DTNBP1: variants seen among roughly 807,000 people sequenced by gnomAD.
DTNBP1 encodes dysbindin.
Under a neutral mutation model 42.8 loss-of-function variants are expected in DTNBP1, and 35 were observed. That is an observed-to-expected ratio of 0.82 (90% CI 0.63 to 1.09). The LOEUF (loss-of-function observed/expected upper bound fraction) is 1.09, where lower values mean the gene tolerates loss of function less well. Among genes scored for constraint, DTNBP1 ranks in the 50% least tolerant of loss-of-function variants. DTNBP1 has a pLI of 0.00. For missense variants in DTNBP1, 457 were observed against 424.2 expected (o/e 1.08, Z -0.68); for synonymous variants, 171 against 162.2 (o/e 1.05, Z -0.41).
chr6:15,524,067 AC>A (rs1561931265), intron 9 of DTNBP1: 1 of 1,306,198 alleles, frequency 7.7e-7, no homozygotes, highest in Admixed American at 2.3e-5. Flanking sequence ...CTGAAGTGCA[AC>A]TAAGTTTACA....
chr6:15,657,350 T>G (rs1350863690), intron 1 of DTNBP1, among the ~76,000 whole-genome samples: 1 of 152,226 alleles, frequency 6.6e-6, no homozygotes, highest in Non-Finnish European at 1.5e-5. Context: ...ACCATTTATC[T>G]AAGATACTTC....
intron 6 of DTNBP1, among the ~76,000 whole-genome samples, chr6:15,600,003 C>T (rs1220153535): frequency 6.6e-6 from 1 of 152,080 alleles, no homozygotes; most frequent in Non-Finnish European, 1.5e-5. Flanking sequence ...TATATCCTTA[C>T]AGGCTTGTTG....
chr6:15,533,477 C>A, intron 7 of DTNBP1, 82 bp from the exon 8 acceptor site: 1 of 1,594,088 alleles, frequency 6.3e-7, no homozygotes, highest in Non-Finnish European at 8.6e-7. Context: ...TCGCATCCAC[C>A]CTCCAAGTGG....
intron 3 of DTNBP1, 66 bp from the exon 4 acceptor site, chr6:15,637,870 TG>T (rs1295146305): frequency 1.3e-6 from 2 of 1,490,378 alleles, no homozygotes; most frequent in Non-Finnish European, 1.9e-6. Flanking sequence ...TATCTAAAGA[TG>T]AATGTGGAAT....
chr6:15,656,559 G>C (rs2743853), intron 1 of DTNBP1, among the ~76,000 whole-genome samples: 18,840 of 152,014 alleles, frequency 0.12, 1,463 homozygotes, highest in African/African-American at 0.22. Flanking sequence ...AAATAAGCCT[G>C]GGCAACATGG....
rs541057143 is a variant in DTNBP1, at chr6:15,660,299, A to G, written c.56+2515T>C. 7.2e-6 allele frequency: 9 copies of G among 1,246,968 alleles called. No individual in the cohort carries two copies. In the South Asian group the frequency reaches 7.5e-5, roughly 10 times the overall value. 77.2% of individuals were successfully genotyped at this position (1,246,968 alleles called of 1,614,324 possible). ...GTCATCTTTTCTCCTCAAGGCAAAA[A>G]TAATCAGTTATGTAAAGGAGGTTGA... On this transcript the variant is annotated intron_variant, in intron 1 of 9. Transcript: ENST00000344537.
At chr6:15,625,334 G>A (rs1015080031) in intron 5 of DTNBP1, among the ~76,000 whole-genome samples, 5 of 152,026 alleles carry the variant, frequency 3.3e-5, no homozygotes, top group African/African-American at 9.7e-5. Context: ...ATAGATGAGA[G>A]GAAAAAAATG....
At chr6:15,540,693 G>A (rs1773506484) in intron 7 of DTNBP1, among the ~76,000 whole-genome samples, 1 of 152,136 alleles carries the variant, frequency 6.6e-6, no homozygotes, top group Non-Finnish European at 1.5e-5. Context: ...CCAGGCTGGA[G>A]TGCAGTGGCG....
At chr6:15,527,621 C>A (rs2127790512) in intron 8 of DTNBP1, among the ~76,000 whole-genome samples, 1 of 151,934 alleles carries the variant, frequency 6.6e-6, no homozygotes, top group Middle Eastern at 3.4e-3. Flanking sequence ...AAAACAATAG[C>A]CCAAAGAAAG....
At chr6:15,653,557 A>G (rs1480447312) in intron 1 of DTNBP1, among the ~76,000 whole-genome samples, 2 of 152,190 alleles carry the variant, frequency 1.3e-5, no homozygotes, top group East Asian at 3.8e-4. Context: ...AGACTCTTTT[A>G]ATGTAAAATA....
chr6:15,650,653 G>A (rs10949309), intron 3 of DTNBP1, among the ~76,000 whole-genome samples: 6,279 of 152,176 alleles, frequency 0.041, 290 homozygotes, highest in East Asian at 0.25. Context: ...CTTATCGGTC[G>A]TTTGCATATC....
chr6:15,603,495 A>G (rs1776809015), intron 6 of DTNBP1, among the ~76,000 whole-genome samples: 1 of 152,188 alleles, frequency 6.6e-6, no homozygotes, highest in South Asian at 2.1e-4. Context: ...TCTAATTCTA[A>G]TATCTGTGTC....
chr6:15,530,434 AT>A (rs1772741327), intron 8 of DTNBP1, among the ~76,000 whole-genome samples: 1 of 152,208 alleles, frequency 6.6e-6, no homozygotes, highest in African/African-American at 2.4e-5. Context: ...TGAGCCCAGC[AT>A]TTTCTTGAAA....
chr6:15,576,161 C>T (rs1775555529), intron 7 of DTNBP1, among the ~76,000 whole-genome samples: 1 of 152,018 alleles, frequency 6.6e-6, no homozygotes, highest in Non-Finnish European at 1.5e-5. Flanking sequence ...CTCTGTTGCC[C>T]AGGCTGGAGT....
intron 7 of DTNBP1, among the ~76,000 whole-genome samples, chr6:15,584,594 G>A (rs185588107): frequency 4.6e-5 from 7 of 151,830 alleles, no homozygotes; most frequent in Middle Eastern, 3.4e-3. Context: ...ATACACAGGC[G>A]TGAGAGAGGG....
chr6:15,586,074 G>C (rs1776068924), intron 7 of DTNBP1: 4 of 1,099,808 alleles, frequency 3.6e-6, no homozygotes, highest in Non-Finnish European at 3.3e-6. Context: ...GGGAGGGAAG[G>C]CTGAAAATAA....
chr6:15,524,798 G>A (rs1199068512), intron 8 of DTNBP1, 129 bp from the exon 9 acceptor site: 19 of 1,396,890 alleles, frequency 1.4e-5, no homozygotes, highest in South Asian at 5.2e-5. Flanking sequence ...TTGAAGCAAC[G>A]TATTAGTAGA....
chr6:15,592,616 G>GTTAC (rs1180730862), intron 7 of DTNBP1, among the ~76,000 whole-genome samples: 1 of 152,176 alleles, frequency 6.6e-6, no homozygotes, highest in Non-Finnish European at 1.5e-5. Context: ...TGCCTGAAAA[G>GTTAC]GTAAGAGACT....
chr6:15,641,617 C>A (rs966720697), intron 3 of DTNBP1, among the ~76,000 whole-genome samples: 1 of 152,152 alleles, frequency 6.6e-6, no homozygotes, highest in South Asian at 2.1e-4. Context: ...TGTGTACATG[C>A]GTGTCCACAC....
Sources: gnomAD v4.1 joint callset for allele counts (sites outside exome capture counted in the v4.1 genomes callset) on GRCh38, gnomAD v4.1.1 for gene constraint, MANE v1.5 for transcripts, NCBI Gene and HGNC (gene_info 2026-07-23, HGNC 2026-07-21) for gene names.